The following HDAC2 variants were observed in gnomAD, a reference collection of about 807,000 sequenced individuals.
HDAC2 encodes YY1-associated factor 1.
HDAC2 carries 5 observed loss-of-function variants against 68.5 expected under a neutral mutation model. The observed-to-expected ratio is 0.07, with a 90% CI of 0.04 to 0.15. The LOEUF (loss-of-function observed/expected upper bound fraction) is 0.15, where lower values mean the gene tolerates loss of function less well. Among genes scored for constraint, HDAC2 ranks in the 10% least tolerant of loss-of-function variants. The probability of loss-of-function intolerance (pLI) is 1.00; values close to 1 mark genes in which losing one functional copy is unlikely to be tolerated. For synonymous variants in HDAC2, 182 were observed against 191.3 expected, an observed-to-expected ratio of 0.95 and a Z score of 0.40; for missense variants, 291 against 600.8, an observed-to-expected ratio of 0.48 and a Z score of 5.39.
intron 1 of HDAC2, chr6:113,969,554 G>A (rs1776923547): frequency 6.6e-6 from 1 of 152,172 alleles, no homozygotes; most frequent in Non-Finnish European, 1.5e-5. Flanking sequence ...TTCAGGAGAA[G>A]GAGCCTAGGA....
At chr6:113,959,875 G>A in intron 2 of HDAC2, 31 bp downstream of exon 2, 2 of 917,802 alleles carry the variant, frequency 2.2e-6, no homozygotes, top group East Asian at 2.4e-5. Context: ...AAAAAGATCA[G>A]TGCTGAATAT....
intron 8 of HDAC2, chr6:113,948,031 T>C (rs1172507178): frequency 2.6e-5 from 4 of 152,194 alleles, no homozygotes; most frequent in Non-Finnish European, 5.9e-5. Context: ...AATCTACATA[T>C]ACATTATAAT....
chr6:113,950,066 C>T (rs1776373642), intron 6 of HDAC2, among the ~76,000 whole-genome samples: 1 of 152,162 alleles, frequency 6.6e-6, no homozygotes, highest in African/African-American at 2.4e-5. Context: ...CAGGCGTGAG[C>T]TATGGTGCCC....
At chr6:113,965,974 A>G (rs1776806156) in intron 1 of HDAC2, among the ~76,000 whole-genome samples, 1 of 151,914 alleles carries the variant, frequency 6.6e-6, no homozygotes, top group Admixed American at 6.6e-5. Flanking sequence ...CAACAGAAGC[A>G]TTTAAAGTTT....
chr6:113,949,057 G>A lies in HDAC2; in HGVS notation c.763C>T (p.Pro255Ser). Residue 255 changes from proline to serine, a missense_variant, in exon 8 of 14, where the codon CCT becomes TCT. Transcript: ENST00000519065. ...IISKVMEMYQ[P>S]SAVVLQCGAD... ...CCACACTGTAATACCACAGCACTAG[G>A]TTGATACATCTCCATCACCTTTGAG... 6.2e-7 allele frequency: 1 copy of A among 1,613,934 alleles called. No individual in the cohort carries two copies. The highest frequency in any genetic ancestry group is 1.7e-5 in the Admixed American group (1 of 60,018).
Position 113,945,452 on chromosome 6 carries a change from T to A in HDAC2, c.1001A>T (p.Tyr334Phe). The A allele has an allele frequency of 6.6e-7, 1 of 1,514,888 alleles. No individual in the cohort carries two copies. Among genetic ancestry groups the A allele is most frequent in the Non-Finnish European group, 9.2e-7 (1 of 1,090,432 alleles). 93.8% of individuals were successfully genotyped at this position (1,514,888 alleles called of 1,614,324 possible). The change falls in exon 10 of 14, where the codon TAC (tyrosine) becomes TTC (phenylalanine). Residue 334 changes from tyrosine (Y) to phenylalanine (F), a missense_variant. Coordinates refer to ENST00000519065, the MANE Select transcript of HDAC2 (RefSeq NM_001527.4). The stretch of plus-strand genomic sequence containing the variant: ...GAAGTCTGGTCCAAAATACTCAAAG[T>A]AATCATTATATGGCAACTCTAATGA... ...EIPNELPYND[Y>F]FEYFGPDFKL...
Position 113,940,355 on chromosome 6 carries a change from C to T in HDAC2, c.*703G>A, listed in dbSNP as rs932109555. ...ATACTATAGGCAAGTCTGGTCAATA[C>T]AAGTTCTGGTCAGTTTCTTCTTTCA... On this transcript the variant is annotated 3_prime_UTR_variant, in exon 14 of 14. Coordinates refer to ENST00000519065, the MANE Select transcript of HDAC2 (RefSeq NM_001527.4). The T allele has an allele frequency of 6.6e-6, 1 of 152,162 alleles. No homozygotes were observed. The highest frequency in any genetic ancestry group is 1.5e-5 in the Non-Finnish European group (1 of 68,018). The allele number at this position is 152,162 out of a possible 1,614,324, so 9.4% of individuals were successfully genotyped here. A position where few individuals can be genotyped will look rare whatever the true frequency, so the allele number is the denominator to read the frequency against.
chr6:113,959,401 C>T (rs1776627930), intron 2 of HDAC2, among the ~76,000 whole-genome samples: 1 of 151,832 alleles, frequency 6.6e-6, no homozygotes, highest in Non-Finnish European at 1.5e-5. Context: ...TATACATACC[C>T]TCATCTTTAT....
rs1204375876 is a variant in HDAC2 at position 113,937,306 on chromosome 6, G to C, written c.*3752C>G. On this transcript the variant is annotated 3_prime_UTR_variant, in exon 14 of 14. Coordinates refer to ENST00000519065, the MANE Select transcript of HDAC2 (RefSeq NM_001527.4). ...AAACCATAAAAAACAGAAGATGTAG[G>C]TGACTAACTTCAATGTAAGAACTTC... 1 of 152,162 alleles carries C rather than the reference G, an allele frequency of 6.6e-6. No homozygotes were observed. The highest frequency in any genetic ancestry group is 2.4e-5 in the African/African-American group (1 of 41,440). The allele number at this position is 152,162 out of a possible 1,614,324, so 9.4% of individuals were successfully genotyped here.
chr6:113,945,137 G>A (rs1776238625), intron 10 of HDAC2, among the ~76,000 whole-genome samples: 1 of 150,422 alleles, frequency 6.6e-6, no homozygotes, highest in South Asian at 2.1e-4. Flanking sequence ...TTGAAGCCAG[G>A]AGTTCGAGAC....
intron 1 of HDAC2, among the ~76,000 whole-genome samples, chr6:113,960,693 A>T (rs1051685973): frequency 5.9e-5 from 9 of 152,092 alleles, no homozygotes; most frequent in African/African-American, 2.2e-4. Flanking sequence ...AAAAAGAGAA[A>T]ATAACAAAAT....
rs1776036433 is a variant in HDAC2 at position 113,937,764 on chromosome 6, A to C, written c.*3294T>G. 1 of 152,262 alleles carries C rather than the reference A, an allele frequency of 6.6e-6. No homozygotes were observed. Among genetic ancestry groups the C allele is most frequent in the South Asian group, 2.1e-4 (1 of 4,830 alleles). The allele number at this position is 152,262 out of a possible 1,614,324, so 9.4% of individuals were successfully genotyped here. On this transcript the variant is annotated 3_prime_UTR_variant, in exon 14 of 14. Coordinates refer to ENST00000519065, the MANE Select transcript of HDAC2 (RefSeq NM_001527.4). ...CTACTTGGGAGGCTGAGGTGGGAGA[A>C]TACCCTAAGCCTAGAAGTTCTAAGA...
Position 113,946,164 on chromosome 6 carries a change from T to C in HDAC2, c.842-16A>G, listed in dbSNP as rs372097170. On this transcript the variant is annotated splice_polypyrimidine_tract_variant and intron_variant, in intron 8 of 13. Transcript: ENST00000519065. ...TTAGCATGACCTAAGACAAGAAGAT[T>C]TGGGTAACAACAAAATCTGCATACT... is the stretch of plus-strand genomic sequence containing the variant. The C allele has an allele frequency of 2.5e-6, 4 of 1,604,396 alleles. No individual in the cohort carries two copies. Among genetic ancestry groups the C allele is most frequent in the African/African-American group, 2.7e-5 (2 of 74,632 alleles).
Position 113,959,690 on chromosome 6 carries a change from G to A in HDAC2, c.165+216C>T, listed in dbSNP as rs1269017847. ...CAGAACCATGAAAGCCTAGGGTAGG[G>A]GGAACTTTTTTAAATGGTTAAAGGA... On this transcript the variant is annotated intron_variant, in intron 2 of 13. Coordinates refer to ENST00000519065, the MANE Select transcript of HDAC2 (RefSeq NM_001527.4). 2.1e-5 allele frequency: 7 copies of A among 331,544 alleles called. No individual in the cohort carries two copies. In the South Asian group the frequency reaches 4.3e-4, roughly 20 times the overall value. The allele number at this position is 331,544 out of a possible 1,614,324, so 20.5% of individuals were successfully genotyped here. A position where few individuals can be genotyped will look rare whatever the true frequency, so the allele number is the denominator to read the frequency against.
chr6:113,958,740 T>C lies in HDAC2; in HGVS notation c.192A>G (p.Glu64=), dbSNP rs764910945. 3.1e-6 allele frequency: 5 copies of C among 1,609,268 alleles called. No homozygotes were observed. The Admixed American group carries it at 8.4e-5, about 27-fold the overall frequency. The change falls in exon 3 of 14, where the codon GAA becomes GAG. Residue 64 remains glutamate, a synonymous_variant. Coordinates refer to ENST00000519065, the MANE Select transcript of HDAC2 (RefSeq NM_001527.4). ...IYRPHKATAE[E]MTKYHSDEYI... Reference sequence around the variant, plus strand: ...ACTCATCACTGTGATATTTTGTCATTTCTTCGGCAGTGGCTTTATGGGGCC... The same window carrying C: ...ACTCATCACTGTGATATTTTGTCATCTCTTCGGCAGTGGCTTTATGGGGCC...
At chr6:113,955,231 T>G (rs935778354) in intron 5 of HDAC2, among the ~76,000 whole-genome samples, 1 of 152,100 alleles carries the variant, frequency 6.6e-6, no homozygotes, top group Non-Finnish European at 1.5e-5. Context: ...TTTTTTTTTT[T>G]GAGATGGAGT....
In HDAC2 at chr6:113,947,967, G is replaced by A. The variant is rs532032112; in HGVS notation, c.841+1012C>T. The A allele has an allele frequency of 8.5e-5, 13 of 152,132 alleles. No individual in the cohort carries two copies. The East Asian group carries it at 2.1e-3, about 25-fold the overall frequency. The allele number at this position is 152,132 out of a possible 1,614,324, so 9.4% of individuals were successfully genotyped here. On this transcript the variant is annotated intron_variant, in intron 8 of 13. Transcript: ENST00000519065. ...GTCAACTTGCTACCTAAAAGTTCAC[G>A]TGGAAAAAAACCTCTAAAATCATAC...
In HDAC2 at chr6:113,933,101, G is replaced by C. The variant is rs1775929482; in HGVS notation, c.*7957C>G. On this transcript the variant is annotated 3_prime_UTR_variant, in exon 14 of 14. Coordinates refer to ENST00000519065, the MANE Select transcript of HDAC2 (RefSeq NM_001527.4). ...ATTATCTCAAAGCCAGTATCCTTGG[G>C]GGAAATTATACGTAATTGCTAAAAT... is the stretch of plus-strand genomic sequence containing the variant. 1 of 152,096 alleles carries C rather than the reference G, an allele frequency of 6.6e-6. No homozygotes were observed. Among genetic ancestry groups the C allele is most frequent in the Admixed American group, 6.5e-5 (1 of 15,268 alleles). 9.4% of individuals were successfully genotyped at this position (152,096 alleles called of 1,614,324 possible).
rs1189148514 is a variant in HDAC2, at chr6:113,959,824, G to A, written c.165+82C>T. On this transcript the variant is annotated intron_variant, in intron 2 of 13. Transcript: ENST00000519065. ...TTCATCTGCTAAATGCCCTCAAAAG[G>A]GGAATAATAGACAAAGTTTCACAGT... 1.9e-4 allele frequency: 130 copies of A among 681,782 alleles called. 1 individual carries two copies. In the Admixed American group the frequency reaches 3.0e-3, roughly 16 times the overall value. The allele number at this position is 681,782 out of a possible 1,614,324, so 42.2% of individuals were successfully genotyped here. A position where few individuals can be genotyped will look rare whatever the true frequency, so the allele number is the denominator to read the frequency against.
Sources: allele counts gnomAD v4.1 joint callset (sites outside exome capture counted in the v4.1 genomes callset), GRCh38; gene constraint gnomAD v4.1.1; transcripts MANE v1.5; gene names NCBI Gene and HGNC (gene_info 2026-07-23, HGNC 2026-07-21).